Variants in ADH5 observed in about 807,000 individuals in gnomAD.
ADH5 encodes the protein alcohol dehydrogenase class-3.
In ADH5, 32 loss-of-function variants were observed where a neutral mutation model predicts 40.3. The ratio of observed to expected loss-of-function variants is 0.79; its 90% CI spans 0.60 to 1.07. The LOEUF is 1.07. Among genes scored for constraint, ADH5 ranks in the 50% least tolerant of loss-of-function variants. The pLI is 0.00. For missense variants in ADH5, 353 were observed against 460.5 expected (o/e 0.77, Z 2.14); for synonymous variants, 125 against 154.3 (o/e 0.81, Z 1.41).
At chr4:99,078,107 T>A (rs1396181666) in intron 4 of ADH5, among the ~76,000 whole-genome samples, 1 of 152,094 alleles carries the variant, frequency 6.6e-6, no homozygotes, top group African/African-American at 2.4e-5. Flanking sequence ...CAGGCTGGAG[T>A]GCATAGCTCA....
chr4:99,083,053 TG>T (rs1728057648), intron 2 of ADH5, among the ~76,000 whole-genome samples: 1 of 152,220 alleles, frequency 6.6e-6, no homozygotes, highest in Non-Finnish European at 1.5e-5. Flanking sequence ...TCTCTGCTCC[TG>T]GCTTATATAT....
chr4:99,086,914 T>G (rs1286565518), intron 1 of ADH5, among the ~76,000 whole-genome samples: 1 of 111,976 alleles, frequency 8.9e-6, no homozygotes, highest in Non-Finnish European at 1.6e-5. Context: ...CACTCCAGCC[T>G]GGGTGACAGA....
Position 99,072,628 on chromosome 4 carries a change from T to G in ADH5, c.1045A>C (p.Asn349His). The G allele has an allele frequency of 6.2e-7, 1 of 1,613,806 alleles. No individual in the cohort carries two copies. Among genetic ancestry groups the G allele is most frequent in the Non-Finnish European group, 8.5e-7 (1 of 1,179,824 alleles). The change falls in exon 8 of 9, where the codon AAT becomes CAT. Residue 349 changes from asparagine (N) to histidine (H), a missense_variant. By Grantham distance (68) the Asn-to-His change is moderately conservative. Transcript: ENST00000296412. ...KIKVDEFVTH[N>H]LSFDEINKAF... ...TTGTTGATTTCATCAAAAGACAGAT[T>G]GTGAGTCACAAATTCATCAACTTTT... is the stretch of plus-strand genomic sequence containing the variant.
intron 7 of ADH5, among the ~76,000 whole-genome samples, chr4:99,073,368 T>C (rs528061672): frequency 6.6e-6 from 1 of 152,256 alleles, no homozygotes; most frequent in African/African-American, 2.4e-5. Context: ...TTAGTAAAGA[T>C]GGGGTTTCAC....
At position 99,072,354 on chromosome 4, in the gene ADH5, C is replaced by A; in HGVS notation, c.*63G>T. The A allele has an allele frequency of 6.4e-7, 1 of 1,552,174 alleles. No individual in the cohort carries two copies. The highest frequency in any genetic ancestry group is 1.1e-5 in the South Asian group (1 of 87,848). Reference sequence around the variant, plus strand: ...AGGCTGTGAGGTTGGAGGCGCTTCTCCCTGCCTGTTAAGCTGCTCCTATCA... The same window carrying A: ...AGGCTGTGAGGTTGGAGGCGCTTCTACCTGCCTGTTAAGCTGCTCCTATCA... On this transcript the variant is annotated 3_prime_UTR_variant, in exon 9 of 9. Coordinates refer to ENST00000296412, the MANE Select transcript of ADH5 (RefSeq NM_000671.4).
chr4:99,085,826 A>G (rs1355490866), intron 1 of ADH5, among the ~76,000 whole-genome samples: 1 of 152,228 alleles, frequency 6.6e-6, no homozygotes, highest in African/African-American at 2.4e-5. Context: ...TCATGAAGTC[A>G]GGAGTTCAAG....
intron 7 of ADH5, among the ~76,000 whole-genome samples, chr4:99,074,254 C>T (rs1011652036): frequency 2.6e-5 from 4 of 152,016 alleles, no homozygotes; most frequent in African/African-American, 9.7e-5. Flanking sequence ...CTCATTCATT[C>T]ACAACTGTTG....
intron 3 of ADH5, 47 bp downstream of exon 3, chr4:99,081,928 G>A: frequency 6.2e-7 from 1 of 1,603,484 alleles, no homozygotes; most frequent in Non-Finnish European, 8.5e-7. Flanking sequence ...TTTCCCCATA[G>A]GAATAAGCCA....
intron 1 of ADH5, among the ~76,000 whole-genome samples, chr4:99,088,451 C>A (rs1330947555): frequency 1.4e-5 from 2 of 144,182 alleles, no homozygotes; most frequent in Admixed American, 6.9e-5. Flanking sequence ...CCCACCCCCC[C>A]ACCCCGTTCC....
intron 1 of ADH5, among the ~76,000 whole-genome samples, chr4:99,087,393 G>C (rs1391270563): frequency 7.0e-6 from 1 of 142,166 alleles, no homozygotes; most frequent in Non-Finnish European, 1.5e-5. Flanking sequence ...GAACTGGCGG[G>C]GGAGGGGGGG....
chr4:99,080,490 C>G (rs962255134), intron 4 of ADH5: 1 of 81,260 alleles, frequency 1.2e-5, no homozygotes, highest in South Asian at 7.6e-4. Context: ...CTCTTCACAT[C>G]CCCCCGCTTC....
At chr4:99,080,977 G>A (rs1270888711) in intron 4 of ADH5, among the ~76,000 whole-genome samples, 3 of 152,348 alleles carry the variant, frequency 2.0e-5, no homozygotes, top group Middle Eastern at 3.4e-3. Context: ...TCTGTGGCTA[G>A]TGAGCCTTCT....
At chr4:99,075,290 T>C (rs1727904123) in intron 6 of ADH5, 1 of 230,918 alleles carries the variant, frequency 4.3e-6, no homozygotes, top group South Asian at 1.7e-4. Context: ...TGCATGATCC[T>C]GGCTCATGGC....
At position 99,074,966 on chromosome 4, in the gene ADH5, A is replaced by G. The variant is rs527917175; in HGVS notation, c.909T>C (p.Thr303=). The change falls in exon 7 of 9, where the codon ACT becomes ACC. Residue 303 remains threonine, a synonymous_variant. Transcript: ENST00000296412. ...GACCTGTTACCAGCTGGAATGGACG[A>G]GTGGCAATTTCTTCACCTGAAGCAG... ...GVAASGEEIA[T]RPFQLVTGRT... The G allele has an allele frequency of 1.1e-5, 17 of 1,613,386 alleles. No individual in the cohort carries two copies. The South Asian group carries it at 1.9e-4, about 18-fold the overall frequency.
intron 6 of ADH5, 119 bp from the exon 7 acceptor site, chr4:99,075,168 C>T (rs112894343): frequency 2.1e-4 from 182 of 849,404 alleles, no homozygotes; most frequent in Non-Finnish European, 2.9e-4. Flanking sequence ...AAAGGCCAAA[C>T]TTAACATTTA....
rs756580696 is a variant in ADH5, at chr4:99,071,114, A to G, written c.*1303T>C. Reference sequence around the variant, plus strand: ...GTCTAGAATAAAAGAACTCCTAAAAATTATTCAGAGAAAAATAATTCAATA... The same window carrying G: ...GTCTAGAATAAAAGAACTCCTAAAAGTTATTCAGAGAAAAATAATTCAATA... On this transcript the variant is annotated 3_prime_UTR_variant, in exon 9 of 9. Coordinates refer to ENST00000296412, the MANE Select transcript of ADH5 (RefSeq NM_000671.4). The G allele has an allele frequency of 6.6e-6, 1 of 152,260 alleles. No individual in the cohort carries two copies. Among genetic ancestry groups the G allele is most frequent in the Admixed American group, 6.5e-5 (1 of 15,288 alleles). The allele number at this position is 152,260 out of a possible 1,614,324, so 9.4% of individuals were successfully genotyped here. A position where few individuals can be genotyped will look rare whatever the true frequency, so the allele number is the denominator to read the frequency against.
chr4:99,072,114 C>G lies in ADH5; in HGVS notation c.*303G>C, dbSNP rs535334026. ...GAATGAAGATAATGGGCAGACAAAC[C>G]GTGACAATGATGACAGCATAAAACA... On this transcript the variant is annotated 3_prime_UTR_variant, in exon 9 of 9. Transcript: ENST00000296412. 1 of 294,960 alleles carries G rather than the reference C, an allele frequency of 3.4e-6. No homozygotes were observed. The highest frequency in any genetic ancestry group is 2.2e-5 in the African/African-American group (1 of 46,046). 18.3% of individuals were successfully genotyped at this position (294,960 alleles called of 1,614,324 possible).
chr4:99,082,787 C>T (rs1362759060), intron 2 of ADH5, among the ~76,000 whole-genome samples: 1 of 152,192 alleles, frequency 6.6e-6, no homozygotes, highest in African/African-American at 2.4e-5. Context: ...AGTGATTCTC[C>T]TGCTTCAGCC....
chr4:99,079,189 CAT>C (rs1193268298), intron 4 of ADH5, among the ~76,000 whole-genome samples: 1 of 152,136 alleles, frequency 6.6e-6, no homozygotes, highest in African/African-American at 2.4e-5. Flanking sequence ...CATCAAAAGA[CAT>C]GTATAAATAA....
Sources: gnomAD v4.1 joint callset for allele counts (sites outside exome capture counted in the v4.1 genomes callset) on GRCh38, gnomAD v4.1.1 for gene constraint, MANE v1.5 for transcripts, NCBI Gene and HGNC (gene_info 2026-07-23, HGNC 2026-07-21) for gene names.